JMJD7: variants seen among roughly 807,000 people sequenced by gnomAD.
JMJD7 encodes jumonji domain containing 7.
A neutral mutation model predicts 41.1 loss-of-function variants in JMJD7; 41 were observed. The observed-to-expected ratio is 1.00, with a 90% CI of 0.78 to 1.30. JMJD7 has a LOEUF of 1.30. JMJD7 is among the 50% of genes most tolerant of loss of function. JMJD7 has a pLI of 0.00. For missense variants in JMJD7, 480 were observed against 420.7 expected, an observed-to-expected ratio of 1.14 and a Z score of -1.23; for synonymous variants, 202 against 177.2, an observed-to-expected ratio of 1.14 and a Z score of -1.11.
rs1039732234 is a variant in JMJD7, at chr15:41,837,420, T to G, written c.*264T>G. 3 of 523,532 alleles carry G rather than the reference T, an allele frequency of 5.7e-6. No individual in the cohort carries two copies. The highest frequency in any genetic ancestry group is 6.8e-6 in the Non-Finnish European group (2 of 294,786). The allele number at this position is 523,532 out of a possible 1,614,324, so 32.4% of individuals were successfully genotyped here. A position where few individuals can be genotyped will look rare whatever the true frequency, so the allele number is the denominator to read the frequency against. ...GTGCAGCGGCACCTCTCCCCAGCGC[T>G]GTGATGTTGGGCGAGTCACTGCGTC... On this transcript the variant is annotated 3_prime_UTR_variant, in exon 8 of 8. Transcript: ENST00000397299.
rs1449438435 is a variant in JMJD7 at position 41,834,884 on chromosome 15, C to G, written c.209C>G (p.Pro70Arg). The stretch of plus-strand genomic sequence containing the variant: ...CCGGCCCTCCAGAAGTGGTCCCTCC[C>G]CTATTTCAGGTGGGAGCTGCCCTGG... ...HWPALQKWSL[P>R]YFRATVGSTE... Residue 70 changes from proline to arginine, a missense_variant, in exon 2 of 8, where the codon CCC becomes CGC. Coordinates refer to ENST00000397299, the MANE Select transcript of JMJD7 (RefSeq NM_001114632.2). 3.1e-6 allele frequency: 5 copies of G among 1,613,864 alleles called. No homozygotes were observed. Among genetic ancestry groups the G allele is most frequent in the African/African-American group, 1.3e-5 (1 of 74,936 alleles).
At chr15:41,835,709 G>A in intron 4 of JMJD7, 65 bp downstream of exon 4, 1 of 1,569,590 alleles carries the variant, frequency 6.4e-7, no homozygotes, top group Non-Finnish European at 8.7e-7. Context: ...GGAAGACGAG[G>A]CCAGGAGTGG....
At position 41,837,079 on chromosome 15, in the gene JMJD7, T is replaced by A. The variant is rs2065334129; in HGVS notation, c.874T>A (p.Tyr292Asn). The A allele has an allele frequency of 6.2e-7, 1 of 1,613,376 alleles. No individual in the cohort carries two copies. The highest frequency in any genetic ancestry group is 8.5e-7 in the Non-Finnish European group (1 of 1,179,558). ...CGTTCTTCCCACAGTGAATTTCTGG[T>A]ATGACATGGAATACGACCTCAAGTA... ...SQGCIAVNFW[Y>N]DMEYDLKYSY... is the part of the protein sequence containing the mutation. Residue 292 changes from tyrosine to asparagine, a missense_variant, in exon 8 of 8, where the codon TAT (tyrosine) becomes AAT (asparagine). By Grantham distance (143) the Tyr-to-Asn change is moderately radical (BLOSUM62 -2). Coordinates refer to ENST00000397299, the MANE Select transcript of JMJD7 (RefSeq NM_001114632.2).
At chr15:41,836,393 C>T (rs1355702181) in intron 5 of JMJD7, 82 bp from the exon 6 acceptor site, 60 of 1,554,308 alleles carry the variant, frequency 3.9e-5, no homozygotes, top group Non-Finnish European at 5.0e-5. Context: ...TGCCCCTGCC[C>T]AGGGCTGGCT....
chr15:41,835,260 G>A (rs766168095), intron 3 of JMJD7, 37 bp downstream of exon 3: 1 of 1,572,962 alleles, frequency 6.4e-7, no homozygotes, highest in South Asian at 1.1e-5. Context: ...CCTGGACAGG[G>A]AAGATATGGG....
At position 41,837,203 on chromosome 15, in the gene JMJD7, A is replaced by C. The variant is rs1264087530; in HGVS notation, c.*47A>C. ...CAAGCACGCCTCGGGGGACGGAGCC[A>C]GCCCCTCCCTGGCCAGGTCAATTCT... On this transcript the variant is annotated 3_prime_UTR_variant, in exon 8 of 8. Transcript: ENST00000397299. 1 of 1,357,904 alleles carries C rather than the reference A, an allele frequency of 7.4e-7. No individual in the cohort carries two copies. The highest frequency in any genetic ancestry group is 2.4e-5 in the East Asian group (1 of 42,040). 84.1% of individuals were successfully genotyped at this position (1,357,904 alleles called of 1,614,324 possible).
At position 41,837,099 on chromosome 15, in the gene JMJD7, C is replaced by G; in HGVS notation, c.894C>G (p.Leu298=). ...TCTGGTATGACATGGAATACGACCT[C>G]AAGTATAGTTACTTCCAGCTGCTCG... The part of the protein sequence containing the change: ...VNFWYDMEYD[L]KYSYFQLLDS... The change falls in exon 8 of 8, where the codon CTC becomes CTG. Residue 298 remains leucine (L), a synonymous_variant. Transcript: ENST00000397299. 1 of 1,613,740 alleles carries G rather than the reference C, an allele frequency of 6.2e-7. No homozygotes were observed. Among genetic ancestry groups the G allele is most frequent in the Non-Finnish European group, 8.5e-7 (1 of 1,179,744 alleles).
chr15:41,836,416 G>C, intron 5 of JMJD7, 59 bp from the exon 6 acceptor site: 1 of 1,557,640 alleles, frequency 6.4e-7, no homozygotes, highest in Non-Finnish European at 8.7e-7. Context: ...GGTGGAGGAG[G>C]GTCTGGCAAG....
At chr15:41,831,078 G>C (rs1179892506) in intron 1 of JMJD7, among the ~76,000 whole-genome samples, 1 of 152,204 alleles carries the variant, frequency 6.6e-6, no homozygotes, top group Non-Finnish European at 1.5e-5. Flanking sequence ...GGAACTTTTG[G>C]TGCTTTTTCC....
At chr15:41,831,948 T>A (rs1188745741) in intron 1 of JMJD7, among the ~76,000 whole-genome samples, 1 of 152,164 alleles carries the variant, frequency 6.6e-6, no homozygotes, top group Non-Finnish European at 1.5e-5. Context: ...CTGCGGCCCT[T>A]TGGGGAGTCC....
At chr15:41,834,693 G>T in intron 1 of JMJD7, 47 bp from the exon 2 acceptor site, 1 of 1,600,594 alleles carries the variant, frequency 6.2e-7, no homozygotes. Context: ...GGGACTGGGT[G>T]CTGCAGACAT....
In JMJD7 at chr15:41,828,130, G is replaced by C. The variant is rs764654687; in HGVS notation, c.6G>C (p.Ala2=). 2 of 1,465,956 alleles carry C rather than the reference G, an allele frequency of 1.4e-6. No homozygotes were observed. The highest frequency in any genetic ancestry group is 1.8e-6 in the Non-Finnish European group (2 of 1,112,518). 90.8% of individuals were successfully genotyped at this position (1,465,956 alleles called of 1,614,324 possible). Residue 2 remains alanine, a synonymous_variant, in exon 1 of 8, where the codon GCG becomes GCC. Coordinates refer to ENST00000397299, the MANE Select transcript of JMJD7 (RefSeq NM_001114632.2). M[A]EAALEAVRSE... ...CGGCCGGCGCTGACGCAGCCATGGC[G>C]GAGGCGGCTTTGGAAGCCGTGCGGA...
At position 41,836,829 on chromosome 15, in the gene JMJD7, C is replaced by A. The variant is rs760863188; in HGVS notation, c.751C>A (p.Pro251Thr). The A allele has an allele frequency of 6.2e-6, 10 of 1,612,806 alleles. No individual in the cohort carries two copies. Among genetic ancestry groups the A allele is most frequent in the Admixed American group, 1.7e-5 (1 of 59,950 alleles). ...CTTGGCGCCAGACCTAGCACGGTAC[C>A]CTAGTTACAGTCAGGCCCAGGCCCT... is the stretch of plus-strand genomic sequence containing the variant. ...DPLAPDLARY[P>T]SYSQAQALRC... Residue 251 changes from proline to threonine, a missense_variant, in exon 7 of 8, where the codon CCT (proline) becomes ACT (threonine). Pro to Thr is a conservative substitution (Grantham distance 38). Coordinates refer to ENST00000397299, the MANE Select transcript of JMJD7 (RefSeq NM_001114632.2).
At position 41,836,795 on chromosome 15, in the gene JMJD7, A is replaced by G. The variant is rs754472170; in HGVS notation, c.717A>G (p.Pro239=). 17 of 1,609,912 alleles carry G rather than the reference A, an allele frequency of 1.1e-5. No individual in the cohort carries two copies. In the South Asian group the frequency reaches 1.1e-4, roughly 10 times the overall value. ...TGTGTTCCCAGGTGCCCTGGATCCC[A>G]CTGGACCCCTTGGCGCCAGACCTAG... ...EEAMEKVPWI[P]LDPLAPDLAR... The change falls in exon 7 of 8, where the codon CCA becomes CCG. Residue 239 remains proline, a synonymous_variant. Transcript: ENST00000397299.
Position 41,834,960 on chromosome 15 carries a change from A to C in JMJD7, c.219-10A>C, listed in dbSNP as rs925902618. 3.1e-6 allele frequency: 5 copies of C among 1,613,886 alleles called. No homozygotes were observed. The highest frequency in any genetic ancestry group is 4.2e-6 in the Non-Finnish European group (5 of 1,179,928). On this transcript the variant is annotated splice_polypyrimidine_tract_variant and intron_variant, in intron 2 of 7. Coordinates refer to ENST00000397299, the MANE Select transcript of JMJD7 (RefSeq NM_001114632.2). ...GCATCTGGGCATGGGCTGAGTGTCCATTCCTCTAGAGCCACAGTGGGCTCC... is the reference window on the plus strand; with the variant it reads ...GCATCTGGGCATGGGCTGAGTGTCCCTTCCTCTAGAGCCACAGTGGGCTCC...
chr15:41,834,696 G>A (rs368213870), intron 1 of JMJD7, 44 bp from the exon 2 acceptor site: 11 of 1,601,938 alleles, frequency 6.9e-6, no homozygotes, highest in Non-Finnish European at 9.4e-6. Flanking sequence ...ACTGGGTGCT[G>A]CAGACATCAG....
intron 4 of JMJD7, 115 bp from the exon 5 acceptor site, chr15:41,836,033 T>C: frequency 1.7e-6 from 2 of 1,143,908 alleles, no homozygotes; most frequent in Non-Finnish European, 2.5e-6. Context: ...GCTCTGTGCG[T>C]GCTTCTCTTT....
intron 1 of JMJD7, among the ~76,000 whole-genome samples, chr15:41,833,389 AATACATATAT>A (rs1488085238): frequency 4.8e-5 from 5 of 103,520 alleles, no homozygotes; most frequent in African/African-American, 1.1e-4. Flanking sequence ...ATGTAGGTGA[AATACATATAT>A]ATATATATAT....
intron 1 of JMJD7, among the ~76,000 whole-genome samples, chr15:41,829,676 G>A (rs2065199505): frequency 6.6e-6 from 1 of 152,214 alleles, no homozygotes; most frequent in Non-Finnish European, 1.5e-5. Flanking sequence ...AGCCCCAGGA[G>A]AGGAAAGCAG....
Sources: allele counts gnomAD v4.1 joint callset (sites outside exome capture counted in the v4.1 genomes callset), GRCh38; gene constraint gnomAD v4.1.1; transcripts MANE v1.5; gene names NCBI Gene and HGNC (gene_info 2026-07-23, HGNC 2026-07-21).